The following COL4A2 variants were observed in gnomAD, a reference collection of about 807,000 sequenced individuals.
COL4A2 encodes collagen type IV alpha 2 chain.
Under a neutral mutation model 200.2 loss-of-function variants are expected in COL4A2, and 99 were observed. That is an observed-to-expected ratio of 0.49 (90% CI 0.42 to 0.58). The LOEUF is 0.58. Ranked by LOEUF, COL4A2 falls within the 20% of genes least tolerant of loss-of-function variation. The pLI is 0.00. For synonymous variants in COL4A2, 897 were observed against 900.6 expected (o/e 1.00, Z 0.07); for missense variants, 1,950 against 2,314.1 (o/e 0.84, Z 3.23).
At chr13:110,501,491 C>T (rs868570020) in intron 40 of COL4A2, among the ~76,000 whole-genome samples, 177 bp from the exon 41 acceptor site, 2 of 152,204 alleles carry the variant, frequency 1.3e-5, no homozygotes, top group South Asian at 4.1e-4. Flanking sequence ...CCCCCAACCC[C>T]GCCCTGAGGG....
At chr13:110,454,963 C>G (rs566363944) in intron 20 of COL4A2, among the ~76,000 whole-genome samples, 5 of 152,120 alleles carry the variant, frequency 3.3e-5, no homozygotes, top group Non-Finnish European at 5.9e-5. Flanking sequence ...CCCTCCTGCA[C>G]AAACCCGGGA....
chr13:110,408,476 G>A (rs900264226), intron 4 of COL4A2, among the ~76,000 whole-genome samples: 2 of 152,166 alleles, frequency 1.3e-5, no homozygotes, highest in African/African-American at 4.8e-5. Context: ...CTTCACCGTC[G>A]GCTGGCCGTC....
At chr13:110,434,205 C>G (rs1880787285) in intron 11 of COL4A2, among the ~76,000 whole-genome samples, 196 bp from the exon 12 acceptor site, 1 of 152,200 alleles carries the variant, frequency 6.6e-6, no homozygotes, top group African/African-American at 2.4e-5. Context: ...CACTCATTCA[C>G]TCTGAGGCCT....
In COL4A2 at chr13:110,469,403, T is replaced by C; in HGVS notation, c.2203+79T>C. On this transcript the variant is annotated intron_variant, in intron 28 of 47. Coordinates refer to ENST00000360467, the MANE Select transcript of COL4A2 (RefSeq NM_001846.4). ...TGTGATTCATAAGCATCCAGCTCTATTATCTTCCACTTTGTAGAAGCTGTT... is the reference window on the plus strand; with the variant it reads ...TGTGATTCATAAGCATCCAGCTCTACTATCTTCCACTTTGTAGAAGCTGTT... The C allele has an allele frequency of 2.2e-6, 3 of 1,383,446 alleles. No homozygotes were observed. The South Asian group carries it at 3.9e-5, about 18-fold the overall frequency. The allele number at this position is 1,383,446 out of a possible 1,614,324, so 85.7% of individuals were successfully genotyped here.
chr13:110,424,606 A>G, intron 4 of COL4A2, 128 bp from the exon 5 acceptor site: 2 of 568,204 alleles, frequency 3.5e-6, no homozygotes, highest in Non-Finnish European at 6.2e-6. Flanking sequence ...TAGTTTACAT[A>G]TAATGTTCCC....
intron 18 of COL4A2, among the ~76,000 whole-genome samples, chr13:110,447,302 A>G (rs1881366849): frequency 6.6e-6 from 1 of 152,196 alleles, no homozygotes; most frequent in African/African-American, 2.4e-5. Flanking sequence ...GGAATTGATC[A>G]TAACTCATAA....
chr13:110,406,978 C>T (rs1879596996), intron 4 of COL4A2, among the ~76,000 whole-genome samples: 1 of 152,174 alleles, frequency 6.6e-6, no homozygotes, highest in Non-Finnish European at 1.5e-5. Context: ...TCCTGGGGCT[C>T]ATCCTGCAAG....
chr13:110,453,804 G>A (rs1420229235), intron 20 of COL4A2, among the ~76,000 whole-genome samples: 1 of 152,216 alleles, frequency 6.6e-6, no homozygotes, highest in Non-Finnish European at 1.5e-5. Flanking sequence ...TTACCCCTGT[G>A]AGACACATGG....
chr13:110,430,424 G>A lies in COL4A2; in HGVS notation c.573G>A (p.Leu191=). The A allele has an allele frequency of 6.8e-6, 11 of 1,614,136 alleles. No individual in the cohort carries two copies. Among genetic ancestry groups the A allele is most frequent in the Non-Finnish European group, 9.3e-6 (11 of 1,180,034 alleles). The change falls in exon 9 of 48, where the codon TTG becomes TTA. Residue 191 remains leucine, a synonymous_variant. Transcript: ENST00000360467. ...AGGGTGAACCTGGAGAGCCTGGATT[G>A]GTCGGTTTCCAGGTAAGTTTATTTT... The part of the protein sequence containing the change: ...RYRGEPGEPG[L]VGFQGPPGRP...
At chr13:110,458,402 C>T (rs915813248) in intron 21 of COL4A2, 5 of 312,996 alleles carry the variant, frequency 1.6e-5, no homozygotes, top group African/African-American at 6.8e-5. Flanking sequence ...TCCCTGGAGC[C>T]GGCTCCTCCC....
chr13:110,444,236 T>A (rs1881240386), intron 16 of COL4A2, among the ~76,000 whole-genome samples: 1 of 152,218 alleles, frequency 6.6e-6, no homozygotes, highest in African/African-American at 2.4e-5. Context: ...ACGTGGTGTC[T>A]GGGGTGCTTG....
intron 42 of COL4A2, 34 bp downstream of exon 42, chr13:110,503,316 T>G (rs1488885456): frequency 1.3e-6 from 2 of 1,591,948 alleles, no homozygotes; most frequent in South Asian, 2.3e-5. Context: ...CCAGCAGCCC[T>G]GGCCACAGTG....
rs2094701 is a variant in COL4A2 at position 110,357,731 on chromosome 13, A to G, written c.180+179A>G. ...CTACTACACACCCGGCTGTGTGATAAAGCCTGTTGCTACTAGGCTACAAAC... is the reference window on the plus strand; with the variant it reads ...CTACTACACACCCGGCTGTGTGATAGAGCCTGTTGCTACTAGGCTACAAAC... On this transcript the variant is annotated intron_variant, in intron 4 of 47. Coordinates refer to ENST00000360467, the MANE Select transcript of COL4A2 (RefSeq NM_001846.4). Among the ~76,000 whole-genome samples, 113,885 of 152,114 alleles carry G rather than the reference A, an allele frequency of 0.75. 44,117 individuals are homozygous for G. The highest frequency in any genetic ancestry group is 0.86 in the Non-Finnish European group (58,548 of 68,022).
intron 28 of COL4A2, among the ~76,000 whole-genome samples, 182 bp downstream of exon 28, chr13:110,469,506 T>C (rs1371921641): frequency 6.6e-6 from 1 of 152,218 alleles, no homozygotes; most frequent in African/African-American, 2.4e-5. Flanking sequence ...GATATTGTAC[T>C]GGGTTTTTGC....
intron 20 of COL4A2, 111 bp downstream of exon 20, chr13:110,450,565 G>A (rs1881502952): frequency 7.8e-7 from 1 of 1,289,404 alleles, no homozygotes; most frequent in Non-Finnish European, 1.1e-6. Context: ...AACGAATCCA[G>A]TAGGCCAGTG....
intron 4 of COL4A2, among the ~76,000 whole-genome samples, chr13:110,361,717 C>G (rs901312813): frequency 3.9e-5 from 6 of 152,202 alleles, no homozygotes; most frequent in Non-Finnish European, 8.8e-5. Context: ...ACTCTCCCAG[C>G]AGGGAGAGAA....
intron 3 of COL4A2, among the ~76,000 whole-genome samples, chr13:110,343,442 G>C (rs541863950): frequency 6.6e-6 from 1 of 152,312 alleles, no homozygotes; most frequent in South Asian, 2.1e-4. Flanking sequence ...ATGTGGGAAG[G>C]CATAGGTACA....
At chr13:110,407,666 TGCAA>T (rs1879623699) in intron 4 of COL4A2, among the ~76,000 whole-genome samples, 2 of 152,160 alleles carry the variant, frequency 1.3e-5, no homozygotes, top group South Asian at 4.1e-4. Flanking sequence ...CCAGAGTTAA[TGCAA>T]GCAAGCAAGG....
At chr13:110,341,848 G>T (rs186543487) in intron 3 of COL4A2, among the ~76,000 whole-genome samples, 12 of 152,240 alleles carry the variant, frequency 7.9e-5, no homozygotes, top group Non-Finnish European at 1.3e-4. Flanking sequence ...AATAAAAGCG[G>T]ATATGAAAGA....
Sources: gnomAD v4.1 joint callset for allele counts (sites outside exome capture counted in the v4.1 genomes callset) on GRCh38, gnomAD v4.1.1 for gene constraint, MANE v1.5 for transcripts, NCBI Gene and HGNC (gene_info 2026-07-23, HGNC 2026-07-21) for gene names.